Variants in EBF3 observed in about 807,000 individuals in gnomAD.
EBF3 encodes transcription factor COE3.
In EBF3, 18 loss-of-function variants were observed where a neutral mutation model predicts 77.1. The ratio of observed to expected loss-of-function variants is 0.23; its 90% CI spans 0.16 to 0.35. The LOEUF is 0.35. Ranked by LOEUF, EBF3 falls within the 10% of genes least tolerant of loss-of-function variation. The pLI is 1.00. For synonymous variants in EBF3, 350 were observed against 343.5 expected (o/e 1.02, Z -0.21); for missense variants, 558 against 860.0 (o/e 0.65, Z 4.39).
rs1402815776 is a variant in EBF3, at chr10:129,934,417, G to A, written c.554+22841C>T. Among the ~76,000 whole-genome samples, 6 of 152,122 alleles carry A rather than the reference G, an allele frequency of 3.9e-5. No individual in the cohort carries two copies. In the South Asian group the frequency reaches 6.2e-4, roughly 16 times the overall value. On this transcript the variant is annotated intron_variant, in intron 6 of 16. Transcript: ENST00000440978. ...CATCTGTCCCTTGCACATAGTAGGT[G>A]CCCAATAAATACCAGTGGCTCTAAC...
intron 6 of EBF3, among the ~76,000 whole-genome samples, chr10:129,891,332 A>C (rs948144563): frequency 6.6e-6 from 1 of 152,204 alleles, no homozygotes; most frequent in African/African-American, 2.4e-5. Context: ...GTGCCCTCTC[A>C]GCTCTTTTGC....
At chr10:129,921,044 G>A (rs956477943) in intron 6 of EBF3, among the ~76,000 whole-genome samples, 3 of 152,222 alleles carry the variant, frequency 2.0e-5, no homozygotes, top group African/African-American at 4.8e-5. Context: ...TCTCTGGGCA[G>A]GACCAAAGAA....
intron 8 of EBF3, among the ~76,000 whole-genome samples, chr10:129,868,745 G>T (rs986495293): frequency 1.3e-5 from 2 of 152,232 alleles, no homozygotes; most frequent in Non-Finnish European, 2.9e-5. Context: ...GGCCAGGGCC[G>T]GGGCTGAGGG....
chr10:129,841,041 A>AC lies in EBF3; in HGVS notation c.1373-10_1373-9insG. The AC allele has an allele frequency of 9.3e-6, 10 of 1,076,642 alleles. No individual in the cohort carries two copies. Among genetic ancestry groups the AC allele is most frequent in the African/African-American group, 5.1e-5 (3 of 58,460 alleles). 66.7% of individuals were successfully genotyped at this position (1,076,642 alleles called of 1,614,324 possible). A position where few individuals can be genotyped will look rare whatever the true frequency, so the allele number is the denominator to read the frequency against. ...ATTGCGACTGTAGCCGACTGTTGAA[A>AC]TCCCCCCCCCGGCCAAAAATAACAT... On this transcript the variant is annotated splice_polypyrimidine_tract_variant and intron_variant, in intron 13 of 16. Transcript: ENST00000440978. The surrounding 1 kb of genome is among the most constrained non-coding windows in gnomAD (Gnocchi z 4.6).
chr10:129,932,895 CTTTTTTTTTT>C (rs35568967), intron 6 of EBF3, among the ~76,000 whole-genome samples: 1 of 126,424 alleles, frequency 7.9e-6, no homozygotes, highest in South Asian at 2.6e-4. Context: ...CTTTTTTTTC[CTTTTTTTTTT>C]TTTTTTTTCA....
In EBF3 at chr10:129,870,136, T is replaced by G. The variant is rs1852307755; in HGVS notation, c.782-2224A>C. 6.6e-6 allele frequency among the ~76,000 whole-genome samples: 1 copy of G among 152,130 alleles called. No individual in the cohort carries two copies. Among genetic ancestry groups the G allele is most frequent in the African/African-American group, 2.4e-5 (1 of 41,426 alleles). ...CACATCATCTCGGAATTTGTAGTGC[T>G]TCTCAGCGGAAAGAAAACACGGGCC... On this transcript the variant is annotated intron_variant, in intron 8 of 16. Coordinates refer to ENST00000440978, the MANE Select transcript of EBF3 (RefSeq NM_001375380.1). This position sits in a 1 kb window ranked among gnomAD's most constrained non-coding sequence, Gnocchi z 4.4.
rs1414301997 is a variant in EBF3, at chr10:129,835,760, C to G, written c.*2183G>C. ...TTGTCAAGAAGGTATTTTAAAGTCC[C>G]TCCTTTTTGTTTTAAATTCGATTTC... On this transcript the variant is annotated 3_prime_UTR_variant, in exon 17 of 17. Coordinates refer to ENST00000440978, the MANE Select transcript of EBF3 (RefSeq NM_001375380.1). 1 of 151,044 alleles carries G rather than the reference C, an allele frequency of 6.6e-6. No homozygotes were observed. The highest frequency in any genetic ancestry group is 1.5e-5 in the Non-Finnish European group (1 of 68,004). The allele number at this position is 151,044 out of a possible 1,614,324, so 9.4% of individuals were successfully genotyped here. A position where few individuals can be genotyped will look rare whatever the true frequency, so the allele number is the denominator to read the frequency against.
rs148283775 is a variant in EBF3, at chr10:129,846,568, T to C, written c.1128+1824A>G. On this transcript the variant is annotated intron_variant, in intron 11 of 16. Transcript: ENST00000440978. Reference sequence around the variant, plus strand: ...ATTCCATTTCTTTTTTCATTCAAAATGTATGTTAAGGCCAATTGCTGTTTT... The same window carrying C: ...ATTCCATTTCTTTTTTCATTCAAAACGTATGTTAAGGCCAATTGCTGTTTT... Among the ~76,000 whole-genome samples, 107 of 151,992 alleles carry C rather than the reference T, an allele frequency of 7.0e-4. No individual in the cohort carries two copies. In the South Asian group the frequency reaches 0.01, roughly 15 times the overall value.
At chr10:129,917,643 C>T (rs1421277845) in intron 6 of EBF3, among the ~76,000 whole-genome samples, 1 of 71,294 alleles carries the variant, frequency 1.4e-5, no homozygotes, top group African/African-American at 5.7e-5. Context: ...CACAGCAAGA[C>T]CCTGCCTCAA....
Position 129,837,919 on chromosome 10 carries a change from C to T in EBF3, c.*24G>A. Reference sequence around the variant, plus strand: ...GATGCTGGGTGCTGCGGAAGGTAAACAGAAGTCCCTCACATTGGCGGGACT... The same window carrying T: ...GATGCTGGGTGCTGCGGAAGGTAAATAGAAGTCCCTCACATTGGCGGGACT... On this transcript the variant is annotated 3_prime_UTR_variant, in exon 17 of 17. Coordinates refer to ENST00000440978, the MANE Select transcript of EBF3 (RefSeq NM_001375380.1). 6.2e-7 allele frequency: 1 copy of T among 1,614,190 alleles called. No homozygotes were observed. Among genetic ancestry groups the T allele is most frequent in the Non-Finnish European group, 8.5e-7 (1 of 1,180,034 alleles).
intron 6 of EBF3, among the ~76,000 whole-genome samples, chr10:129,954,591 C>T (rs1189234752): frequency 6.6e-6 from 1 of 152,152 alleles, no homozygotes; most frequent in South Asian, 2.1e-4. Context: ...CACAGAAAGG[C>T]AGTCTCAACG....
chr10:129,940,761 AG>A (rs1232238925), intron 6 of EBF3, among the ~76,000 whole-genome samples: 2 of 152,116 alleles, frequency 1.3e-5, no homozygotes, highest in African/African-American at 4.8e-5. Flanking sequence ...CTCCCCACCC[AG>A]GGGTGGCCCA....
At chr10:129,961,156 G>A (rs1216831720) in intron 4 of EBF3, among the ~76,000 whole-genome samples, 2 of 152,174 alleles carry the variant, frequency 1.3e-5, no homozygotes, top group African/African-American at 2.4e-5. Context: ...AAGCCCCAAC[G>A]AGCTCTCCTT....
chr10:129,862,288 T>C (rs1472862355), intron 10 of EBF3, among the ~76,000 whole-genome samples: 2 of 152,136 alleles, frequency 1.3e-5, no homozygotes, highest in African/African-American at 2.4e-5. Context: ...ATAATCACTT[T>C]TATGTTCCCA....
chr10:129,915,902 TG>T (rs533776964), intron 6 of EBF3, among the ~76,000 whole-genome samples: 303 of 152,262 alleles, frequency 2.0e-3, no homozygotes, highest in African/African-American at 6.8e-3. Flanking sequence ...AGATGGCCCC[TG>T]GGGAGACGGG....
At chr10:129,898,274 G>A (rs1006522588) in intron 6 of EBF3, among the ~76,000 whole-genome samples, 2 of 152,202 alleles carry the variant, frequency 1.3e-5, no homozygotes, top group Non-Finnish European at 2.9e-5. Flanking sequence ...CATCCTGCCC[G>A]GCTGGGTCTG....
chr10:129,934,195 C>T (rs1288791394), intron 6 of EBF3, among the ~76,000 whole-genome samples: 1 of 152,062 alleles, frequency 6.6e-6, no homozygotes, highest in Non-Finnish European at 1.5e-5. Flanking sequence ...CCTCTTAGTC[C>T]TTGATCCATT....
At chr10:129,887,849 A>C (rs1853717593) in intron 6 of EBF3, among the ~76,000 whole-genome samples, 1 of 152,162 alleles carries the variant, frequency 6.6e-6, no homozygotes, top group Non-Finnish European at 1.5e-5. Context: ...CGTTGACTAT[A>C]AACCTGGCGA....
At chr10:129,847,360 G>A (rs1472918553) in intron 11 of EBF3, among the ~76,000 whole-genome samples, 2 of 152,130 alleles carry the variant, frequency 1.3e-5, no homozygotes, top group Non-Finnish European at 2.9e-5. Context: ...TCTTCCCGGG[G>A]AAACACTCGT....
Sources: allele counts gnomAD v4.1 joint callset (sites outside exome capture counted in the v4.1 genomes callset), GRCh38; gene constraint gnomAD v4.1.1; non-coding constraint Gnocchi (gnomAD v3.1); transcripts MANE v1.5; gene names NCBI Gene and HGNC (gene_info 2026-07-23, HGNC 2026-07-21).